Variants in LAPTM4B observed in about 807,000 individuals in gnomAD.
The protein encoded by LAPTM4B is lysosomal protein transmembrane 4 beta.
Under a neutral mutation model 28.5 loss-of-function variants are expected in LAPTM4B, and 26 were observed. That is an observed-to-expected ratio of 0.91 (90% confidence interval 0.67 to 1.27). The LOEUF is 1.27. LAPTM4B is among the 50% of genes most tolerant of loss of function. The probability of loss-of-function intolerance (pLI) is 0.00; values close to 1 mark genes in which losing one functional copy is unlikely to be tolerated. For missense variants in LAPTM4B, 288 were observed against 285.8 expected (o/e 1.01, Z -0.06); for synonymous variants, 109 against 106.4 (o/e 1.02, Z -0.15).
chr8:97,781,013 C>G (rs1404205655), intron 1 of LAPTM4B, among the ~76,000 whole-genome samples: 1 of 150,138 alleles, frequency 6.7e-6, no homozygotes, highest in Admixed American at 6.6e-5. Flanking sequence ...TTTTTGAGAC[C>G]GAGTCTCGCT....
intron 1 of LAPTM4B, among the ~76,000 whole-genome samples, chr8:97,800,685 G>T (rs1037612229): frequency 1.3e-5 from 2 of 151,544 alleles, no homozygotes; most frequent in African/African-American, 4.9e-5. Context: ...TAGTGGAGAC[G>T]GGGTTTCTTC....
intron 5 of LAPTM4B, among the ~76,000 whole-genome samples, chr8:97,824,227 C>T (rs919711017): frequency 2.6e-5 from 4 of 152,026 alleles, no homozygotes; most frequent in African/African-American, 9.7e-5. Context: ...ATTGCTGGGT[C>T]CTGTTGTAAC....
intron 6 of LAPTM4B, among the ~76,000 whole-genome samples, chr8:97,833,991 T>C (rs2449545): frequency 0.14 from 20,538 of 151,870 alleles, 1,709 homozygotes; most frequent in Middle Eastern, 0.28. Flanking sequence ...CCTCATTCTC[T>C]AGTGGTGACC....
At chr8:97,839,494 C>G (rs1817313379) in intron 6 of LAPTM4B, among the ~76,000 whole-genome samples, 1 of 152,110 alleles carries the variant, frequency 6.6e-6, no homozygotes, top group African/African-American at 2.4e-5. Context: ...CGCCCGGCCA[C>G]CAACAATAAA....
At chr8:97,823,058 GTCTCTATCTC>G (rs1817032432) in intron 5 of LAPTM4B, among the ~76,000 whole-genome samples, 1 of 151,992 alleles carries the variant, frequency 6.6e-6, no homozygotes, top group Non-Finnish European at 1.5e-5. Flanking sequence ...AGCCAGGGTG[GTCTCTATCTC>G]CTGACTTTGT....
chr8:97,832,130 A>T (rs1817191319), intron 6 of LAPTM4B, among the ~76,000 whole-genome samples: 1 of 152,204 alleles, frequency 6.6e-6, no homozygotes, highest in African/African-American at 2.4e-5. Flanking sequence ...TAAGTCCCCC[A>T]AATGCATCCT....
At chr8:97,797,759 G>A (rs1431774982) in intron 1 of LAPTM4B, among the ~76,000 whole-genome samples, 1 of 152,154 alleles carries the variant, frequency 6.6e-6, no homozygotes. Flanking sequence ...GATTCAAGCT[G>A]CAAGTCTCTT....
chr8:97,832,626 A>G (rs903992498), intron 6 of LAPTM4B, among the ~76,000 whole-genome samples: 5 of 152,084 alleles, frequency 3.3e-5, no homozygotes, highest in African/African-American at 9.7e-5. Context: ...ATATCAGGGT[A>G]GACCACCAGT....
At chr8:97,796,017 G>A (rs983314143) in intron 1 of LAPTM4B, among the ~76,000 whole-genome samples, 2 of 150,152 alleles carry the variant, frequency 1.3e-5, no homozygotes, top group African/African-American at 2.5e-5. Context: ...TTAGCTTACC[G>A]CAGCCTCAAC....
intron 3 of LAPTM4B, among the ~76,000 whole-genome samples, chr8:97,815,625 G>A (rs1376454920): frequency 6.6e-6 from 1 of 151,934 alleles, no homozygotes; most frequent in Non-Finnish European, 1.5e-5. Flanking sequence ...GGAGTAGAGT[G>A]GTGTGATCTT....
At chr8:97,787,912 G>A (rs1816431190) in intron 1 of LAPTM4B, among the ~76,000 whole-genome samples, 1 of 152,022 alleles carries the variant, frequency 6.6e-6, no homozygotes, top group African/African-American at 2.4e-5. Flanking sequence ...TCGGCTCACT[G>A]CAACCTCTTC....
chr8:97,794,601 T>TC (rs1554589681), intron 1 of LAPTM4B, among the ~76,000 whole-genome samples: 1 of 152,108 alleles, frequency 6.6e-6, no homozygotes, highest in Non-Finnish European at 1.5e-5. Context: ...TTTATTTTGA[T>TC]ATCAGAACAG....
At position 97,779,753 on chromosome 8, in the gene LAPTM4B, TA is replaced by T. The variant is rs750177675; in HGVS notation, c.99+3663del. Among the ~76,000 whole-genome samples the T allele has an allele frequency of 8.6e-3, 996 of 115,272 alleles. 18 individuals carry two copies. Among genetic ancestry groups the T allele is most frequent in the South Asian group, 0.083 (311 of 3,762 alleles). The allele number at this position is 115,272 out of a possible 152,430, so 75.6% of individuals were successfully genotyped here. On this transcript the variant is annotated intron_variant, in intron 1 of 6. Transcript: ENST00000521545. ...CCTGGGTGACAGCAAGACTCTTATC[TA>T]AAAAAAAAAAAAAAAAAGTTGGGTG...
intron 6 of LAPTM4B, among the ~76,000 whole-genome samples, chr8:97,832,055 A>G (rs1424984881): frequency 6.6e-6 from 1 of 152,104 alleles, no homozygotes; most frequent in African/African-American, 2.4e-5. Context: ...ATATACTTCT[A>G]GTTGTTTTTT....
intron 6 of LAPTM4B, among the ~76,000 whole-genome samples, chr8:97,843,415 C>CA (rs1249505764): frequency 6.6e-6 from 1 of 152,030 alleles, no homozygotes. Flanking sequence ...CTCAAACCCA[C>CA]AAAAAACAAA....
At position 97,800,484 on chromosome 8, in the gene LAPTM4B, C is replaced by CTTTTTTTTTTTTTTTTTTTTTT. The variant is rs546425169; in HGVS notation, c.100-4863_100-4842dup. Among the ~76,000 whole-genome samples the CTTTTTTTTTTTTTTTTTTTTTT allele has an allele frequency of 2.0e-4, 14 of 69,326 alleles. 2 individuals carry two copies. Among genetic ancestry groups the CTTTTTTTTTTTTTTTTTTTTTT allele is most frequent in the African/African-American group, 9.7e-4 (13 of 13,392 alleles). The allele number at this position is 69,326 out of a possible 152,430, so 45.5% of individuals were successfully genotyped here. On this transcript the variant is annotated intron_variant, in intron 1 of 6. Transcript: ENST00000521545. ...CTTCTGTAATATTACCCCTTGACCT[C>CTTTTTTTTTTTTTTTTTTTTTT]TTTTTTTTTTTTTTTTTTTTTTTTT...
chr8:97,809,534 A>G (rs1197397807), intron 2 of LAPTM4B, among the ~76,000 whole-genome samples: 2 of 152,000 alleles, frequency 1.3e-5, no homozygotes, highest in Non-Finnish European at 2.9e-5. Flanking sequence ...ACCCTGTCTC[A>G]ACCAAAAATA....
chr8:97,831,119 T>G (rs1225888999), intron 6 of LAPTM4B, among the ~76,000 whole-genome samples: 2 of 152,168 alleles, frequency 1.3e-5, no homozygotes, highest in East Asian at 3.8e-4. Context: ...CTACTTTTCC[T>G]GAGGATTGAG....
At chr8:97,801,271 CACT>C (rs1563606624) in intron 1 of LAPTM4B, among the ~76,000 whole-genome samples, 2 of 151,344 alleles carry the variant, frequency 1.3e-5, no homozygotes, top group Non-Finnish European at 2.9e-5. Flanking sequence ...CTCCGCCCCC[CACT>C]GGGTTCAAGC....
Sources: gnomAD v4.1 joint callset for allele counts (sites outside exome capture counted in the v4.1 genomes callset) on GRCh38, gnomAD v4.1.1 for gene constraint, MANE v1.5 for transcripts, NCBI Gene and HGNC (gene_info 2026-07-23, HGNC 2026-07-21) for gene names.